The following ZNF573 variants were observed in gnomAD, a reference collection of about 807,000 sequenced individuals.
The protein encoded by ZNF573 is zinc finger protein 573.
A neutral mutation model predicts 57.4 loss-of-function variants in ZNF573; 41 were observed. That is an observed-to-expected ratio of 0.71 (90% CI 0.56 to 0.93). The LOEUF (loss-of-function observed/expected upper bound fraction) is 0.93. Ranked by LOEUF, ZNF573 falls within the 40% of genes least tolerant of loss-of-function variation. The probability of loss-of-function intolerance (pLI) is 0.00; values close to 1 mark genes in which losing one functional copy is unlikely to be tolerated. For synonymous variants in ZNF573, 249 were observed against 261.0 expected, an observed-to-expected ratio of 0.95 and a Z score of 0.44; for missense variants, 730 against 794.8, an observed-to-expected ratio of 0.92 and a Z score of 0.98.
intron 3 of ZNF573, chr19:37,770,368 A>G (rs1306729383): frequency 3.2e-6 from 1 of 316,184 alleles, no homozygotes; most frequent in African/African-American, 2.2e-5. Flanking sequence ...CTGGAGCCAG[A>G]AGGCTGGGGC....
At chr19:37,762,116 G>T (rs1459502717) in intron 4 of ZNF573, among the ~76,000 whole-genome samples, 2 of 152,150 alleles carry the variant, frequency 1.3e-5, no homozygotes, top group East Asian at 3.9e-4. Context: ...AACATCACCT[G>T]GGGGCAATTT....
At chr19:37,757,399 G>A (rs1038392373) in intron 4 of ZNF573, among the ~76,000 whole-genome samples, 1 of 151,516 alleles carries the variant, frequency 6.6e-6, no homozygotes, top group East Asian at 1.9e-4. Flanking sequence ...GGGTTTCACC[G>A]TGTTAGCCAT....
intron 4 of ZNF573, among the ~76,000 whole-genome samples, chr19:37,754,377 G>A (rs1011132975): frequency 5.9e-5 from 9 of 151,844 alleles, no homozygotes; most frequent in Admixed American, 2.6e-4. Context: ...AAAATTAGCC[G>A]GGTGCAGTGG....
intron 4 of ZNF573, among the ~76,000 whole-genome samples, chr19:37,754,971 T>C (rs1187911192): frequency 6.6e-6 from 1 of 152,070 alleles, no homozygotes; most frequent in Non-Finnish European, 1.5e-5. Context: ...AATAAATCTA[T>C]TTTATTTATT....
intron 4 of ZNF573, among the ~76,000 whole-genome samples, chr19:37,758,199 T>TTAAAAAAAAAA (rs1555742418): frequency 2.5e-4 from 3 of 11,880 alleles, no homozygotes; most frequent in South Asian, 6.8e-3. Context: ...TAAAGTATAA[T>TTAAAAAAAAAA]AAAATATATA....
rs778447541 is a variant in ZNF573 at position 37,771,672 on chromosome 19, C to A, written c.94G>T (p.Asp32Tyr). The A allele has an allele frequency of 6.3e-7, 1 of 1,592,456 alleles. No individual in the cohort carries two copies. The highest frequency in any genetic ancestry group is 8.5e-7 in the Non-Finnish European group (1 of 1,173,858). ...TCFQELVTFR[D>Y]VAIDFSRQEW... ...TGCCGAGAGAAGTCTATGGCCACAT[C>A]CCTGAATGTCACTAATTCCTGAAAC... is the stretch of plus-strand genomic sequence containing the variant. The change falls in exon 3 of 5, where the codon GAT becomes TAT. Residue 32 changes from aspartate to tyrosine, a missense_variant. Physicochemically the swap from Asp to Tyr is radical, Grantham distance 160 (BLOSUM62 -3). Transcript: ENST00000536220.
intron 4 of ZNF573, among the ~76,000 whole-genome samples, chr19:37,765,715 A>C (rs1187384306): frequency 6.6e-6 from 1 of 151,736 alleles, no homozygotes; most frequent in Non-Finnish European, 1.5e-5. Context: ...CGTCTCAAAA[A>C]CAAAAACAAA....
intron 4 of ZNF573, among the ~76,000 whole-genome samples, chr19:37,769,359 ATG>A (rs1421318289): frequency 1.3e-5 from 2 of 151,662 alleles, no homozygotes; most frequent in African/African-American, 2.4e-5. Flanking sequence ...CTACATTGAT[ATG>A]TGTGTTGTGT....
rs186189755 is a variant in ZNF573 at position 37,765,581 on chromosome 19, G to A, written c.295+4424C>T. On this transcript the variant is annotated intron_variant, in intron 4 of 4. Transcript: ENST00000536220. ...CAAAATTAGCTGGGTGTGGTGGCAC[G>A]TGCCTGTAATCCCAGCTACTCGGGA... 1.9e-4 allele frequency among the ~76,000 whole-genome samples: 29 copies of A among 152,162 alleles called. No homozygotes were observed. In the East Asian group the frequency reaches 3.7e-3, roughly 19 times the overall value.
chr19:37,769,233 GTTGGGATTACAGGCATGAGCCACTGC>G (rs1008094975), intron 4 of ZNF573, among the ~76,000 whole-genome samples: 36 of 151,598 alleles, frequency 2.4e-4, no homozygotes, highest in African/African-American at 8.7e-4. Context: ...CTCTCAAAGT[GTTGGGATTACAGGCATGAGCCACTGC>G]GCCCAGCCTA....
intron 4 of ZNF573, among the ~76,000 whole-genome samples, chr19:37,752,693 G>A (rs2045450076): frequency 6.6e-6 from 1 of 152,092 alleles, no homozygotes; most frequent in African/African-American, 2.4e-5. Flanking sequence ...GGAGTACAGT[G>A]GCATGATCAT....
At chr19:37,766,594 T>A (rs1482746331) in intron 4 of ZNF573, among the ~76,000 whole-genome samples, 1 of 152,182 alleles carries the variant, frequency 6.6e-6, no homozygotes, top group Non-Finnish European at 1.5e-5. Flanking sequence ...CTTTACCTAA[T>A]CCTAATCAAG....
intron 4 of ZNF573, among the ~76,000 whole-genome samples, chr19:37,743,958 G>A (rs1033107299): frequency 6.6e-6 from 1 of 152,138 alleles, no homozygotes; most frequent in Non-Finnish European, 1.5e-5. Context: ...TGGACACAGA[G>A]AAGGGAATAA....
chr19:37,745,066 G>A (rs573305254), intron 4 of ZNF573, among the ~76,000 whole-genome samples: 1 of 151,662 alleles, frequency 6.6e-6, no homozygotes, highest in African/African-American at 2.4e-5. Context: ...ACAGGCGTGA[G>A]CCACCGTGCC....
chr19:37,771,409 C>T (rs1333396437), intron 3 of ZNF573, among the ~76,000 whole-genome samples, 155 bp downstream of exon 3: 1 of 152,110 alleles, frequency 6.6e-6, no homozygotes, highest in Non-Finnish European at 1.5e-5. Context: ...TGCTTAGTGG[C>T]ACAGCCATTG....
chr19:37,777,899 T>C (rs1464210054), intron 1 of ZNF573, among the ~76,000 whole-genome samples: 3 of 150,862 alleles, frequency 2.0e-5, no homozygotes, highest in African/African-American at 7.3e-5. Context: ...GGCGGGCGCC[T>C]GTAGTCCCAG....
At chr19:37,755,878 A>G (rs752594540) in intron 4 of ZNF573, among the ~76,000 whole-genome samples, 2 of 152,230 alleles carry the variant, frequency 1.3e-5, no homozygotes, top group Non-Finnish European at 2.9e-5. Context: ...GTAAGAATAA[A>G]AGGCAAATTT....
At chr19:37,770,347 T>C in intron 3 of ZNF573, 1 of 352,976 alleles carries the variant, frequency 2.8e-6, no homozygotes, top group Admixed American at 4.5e-5. Context: ...CCAAAGTAGC[T>C]GTGAAGTTCT....
intron 4 of ZNF573, among the ~76,000 whole-genome samples, chr19:37,751,610 T>C (rs1466281655): frequency 4.6e-5 from 5 of 109,208 alleles, no homozygotes; most frequent in Non-Finnish European, 7.5e-5. Flanking sequence ...ATATACTGTG[T>C]ATATATACAG....
Sources: gnomAD v4.1 joint callset for allele counts (sites outside exome capture counted in the v4.1 genomes callset) on GRCh38, gnomAD v4.1.1 for gene constraint, MANE v1.5 for transcripts, NCBI Gene and HGNC (gene_info 2026-07-23, HGNC 2026-07-21) for gene names.